POTEC: variants seen among roughly 807,000 people sequenced by gnomAD.
POTEC encodes the protein ANKRD26-like family B member 2.
A neutral mutation model predicts 62.0 loss-of-function variants in POTEC; 35 were observed. That is an observed-to-expected ratio of 0.56 (90% CI 0.43 to 0.75). The LOEUF is 0.75. POTEC is among the 30% of genes least tolerant of loss of function. The probability of loss-of-function intolerance (pLI) is 0.00; values close to 1 mark genes in which losing one functional copy is unlikely to be tolerated. For synonymous variants in POTEC, 156 were observed against 221.5 expected (o/e 0.70, Z 2.62); for missense variants, 472 against 655.9 (o/e 0.72, Z 3.06).
At chr18:14,524,408 T>C (rs1255297316) in intron 7 of POTEC, among the ~76,000 whole-genome samples, 1 of 152,164 alleles carries the variant, frequency 6.6e-6, no homozygotes, top group African/African-American at 2.4e-5. Context: ...TTTCAATCAC[T>C]GGCCGTGATT....
chr18:14,540,825 C>T (rs1598482759), intron 1 of POTEC, among the ~76,000 whole-genome samples: 1 of 152,316 alleles, frequency 6.6e-6, no homozygotes, highest in African/African-American at 2.4e-5. Flanking sequence ...TACCACTGTT[C>T]TTCACCCTCA....
In POTEC at chr18:14,525,204, A is replaced by G. The variant is rs562859896; in HGVS notation, c.1127-221T>C. Reference sequence around the variant, plus strand: ...TCACTCACAAATTCATCCACCCCACATAAATGAACAAAACCACCAGAAACA... The same window carrying G: ...TCACTCACAAATTCATCCACCCCACGTAAATGAACAAAACCACCAGAAACA... On this transcript the variant is annotated intron_variant, in intron 6 of 10. Coordinates refer to ENST00000358970, the MANE Select transcript of POTEC (RefSeq NM_001137671.2). Among the ~76,000 whole-genome samples the G allele has an allele frequency of 6.3e-4, 92 of 146,980 alleles. No individual in the cohort carries two copies. In the Middle Eastern group the frequency reaches 0.01, roughly 17 times the overall value.
At chr18:14,524,215 T>A (rs1456201505) in intron 7 of POTEC, among the ~76,000 whole-genome samples, 1 of 152,194 alleles carries the variant, frequency 6.6e-6, no homozygotes, top group Non-Finnish European at 1.5e-5. Flanking sequence ...TAGAAGGTTA[T>A]TGTGTTTGTG....
chr18:14,536,737 G>T (rs556000996), intron 3 of POTEC, among the ~76,000 whole-genome samples: 30 of 152,166 alleles, frequency 2.0e-4, no homozygotes, highest in African/African-American at 6.5e-4. Flanking sequence ...TATCATTTGA[G>T]GATCTGGCCA....
intron 9 of POTEC, among the ~76,000 whole-genome samples, chr18:14,515,823 A>T (rs1910134950): frequency 1.3e-5 from 2 of 151,796 alleles, no homozygotes; most frequent in Admixed American, 6.6e-5. Context: ...CAAACAAATC[A>T]GCAGGAAAAA....
intron 3 of POTEC, among the ~76,000 whole-genome samples, chr18:14,535,351 T>A (rs1287448080): frequency 6.6e-6 from 1 of 150,956 alleles, no homozygotes; most frequent in Non-Finnish European, 1.5e-5. Flanking sequence ...TATCTCTATA[T>A]TATCCAACCC....
chr18:14,512,073 T>C, intron 10 of POTEC, 80 bp from the exon 11 acceptor site: 1 of 1,161,214 alleles, frequency 8.6e-7, no homozygotes, highest in East Asian at 2.6e-5. Context: ...AAGAATGACA[T>C]TTATATTTGT....
chr18:14,533,215 A>T lies in POTEC; in HGVS notation c.918-17T>A. ...AGGGCAGTTCTAAAATTACAGAGAT[A>T]ATTTCTCCTTTAGGAACTGTAATAA... On this transcript the variant is annotated splice_polypyrimidine_tract_variant and intron_variant, in intron 4 of 10. Transcript: ENST00000358970. 1 of 1,604,066 alleles carries T rather than the reference A, an allele frequency of 6.2e-7. No homozygotes were observed. Among genetic ancestry groups the T allele is most frequent in the East Asian group, 2.2e-5 (1 of 44,810 alleles).
intron 1 of POTEC, among the ~76,000 whole-genome samples, chr18:14,539,924 T>C (rs1027422572): frequency 6.6e-6 from 1 of 152,154 alleles, no homozygotes; most frequent in Non-Finnish European, 1.5e-5. Context: ...AATAGGTGTC[T>C]GGCTTATGTT....
At chr18:14,530,283 A>C (rs1415115070) in intron 6 of POTEC, among the ~76,000 whole-genome samples, 200 bp downstream of exon 6, 1 of 152,072 alleles carries the variant, frequency 6.6e-6, no homozygotes, top group Non-Finnish European at 1.5e-5. Context: ...CATTATAGTA[A>C]GTTGTATAAT....
intron 9 of POTEC, among the ~76,000 whole-genome samples, chr18:14,516,252 G>T (rs1326929574): frequency 8.0e-6 from 1 of 124,670 alleles, no homozygotes; most frequent in East Asian, 2.4e-4. Context: ...GCAAAGATAT[G>T]TTATCAGCCA....
At chr18:14,528,316 C>T (rs1325391998) in intron 6 of POTEC, among the ~76,000 whole-genome samples, 1 of 152,146 alleles carries the variant, frequency 6.6e-6, no homozygotes, top group Non-Finnish European at 1.5e-5. Context: ...CTTATTCTTT[C>T]TTGCAGAAGA....
rs146466699 is a variant in POTEC, at chr18:14,540,538, C to T, written c.521+2088G>A. Among the ~76,000 whole-genome samples the T allele has an allele frequency of 4.6e-3, 701 of 152,198 alleles. 33 individuals are homozygous for T. In the East Asian group the frequency reaches 0.12, roughly 27 times the overall value. Reference sequence around the variant, plus strand: ...ATATAGCAAAGTACATCTTTGCATGCCGACATATCTCTGTATCTACTGACA... The same window carrying T: ...ATATAGCAAAGTACATCTTTGCATGTCGACATATCTCTGTATCTACTGACA... On this transcript the variant is annotated intron_variant, in intron 1 of 10. Transcript: ENST00000358970.
intron 9 of POTEC, among the ~76,000 whole-genome samples, chr18:14,514,324 G>A (rs1001364255): frequency 6.6e-6 from 1 of 151,744 alleles, no homozygotes; most frequent in Non-Finnish European, 1.5e-5. Flanking sequence ...GGTAATGTGA[G>A]TGACAGAGAG....
At chr18:14,537,235 A>AG (rs1905772375) in intron 3 of POTEC, among the ~76,000 whole-genome samples, 1 of 146,574 alleles carries the variant, frequency 6.8e-6, no homozygotes, top group Non-Finnish European at 1.5e-5. Context: ...ACAAAAAAAA[A>AG]CCTCTTCATG....
intron 3 of POTEC, among the ~76,000 whole-genome samples, chr18:14,535,965 C>A (rs536135284): frequency 6.6e-6 from 1 of 151,888 alleles, no homozygotes; most frequent in Non-Finnish European, 1.5e-5. Flanking sequence ...AATGTCCCAA[C>A]GACAGAGATA....
At chr18:14,528,474 A>G (rs1319409108) in intron 6 of POTEC, among the ~76,000 whole-genome samples, 1 of 152,272 alleles carries the variant, frequency 6.6e-6, no homozygotes, top group East Asian at 1.9e-4. Flanking sequence ...ATGGAATGTT[A>G]CAGGAAGCCC....
At chr18:14,517,628 G>A (rs1023996110) in intron 9 of POTEC, among the ~76,000 whole-genome samples, 2 of 151,990 alleles carry the variant, frequency 1.3e-5, no homozygotes, top group East Asian at 1.9e-4. Context: ...TTGAAAGGCC[G>A]AAGTGGGTGG....
intron 9 of POTEC, among the ~76,000 whole-genome samples, chr18:14,516,663 T>TTG (rs1296371723): frequency 1.5e-5 from 2 of 136,676 alleles, no homozygotes; most frequent in Non-Finnish European, 1.5e-5. Flanking sequence ...GCCAAACTAC[T>TTG]GGGGGGGGGT....
Sources: allele counts gnomAD v4.1 joint callset (sites outside exome capture counted in the v4.1 genomes callset), GRCh38; gene constraint gnomAD v4.1.1; transcripts MANE v1.5; gene names NCBI Gene and HGNC (gene_info 2026-07-23, HGNC 2026-07-21).